RGMA: variants seen among roughly 807,000 people sequenced by gnomAD.
RGMA encodes the protein repulsive guidance molecule BMP co-receptor a.
In RGMA, 10 loss-of-function variants were observed where a neutral mutation model predicts 23.2. That is an observed-to-expected ratio of 0.43 (90% confidence interval 0.27 to 0.73). The LOEUF (loss-of-function observed/expected upper bound fraction) is 0.73. Ranked by LOEUF, RGMA falls within the 30% of genes least tolerant of loss-of-function variation. The probability of loss-of-function intolerance (pLI) is 0.20; values close to 1 mark genes in which losing one functional copy is unlikely to be tolerated. For synonymous variants in RGMA, 308 were observed against 279.3 expected (o/e 1.10, Z -1.03); for missense variants, 547 against 630.5 (o/e 0.87, Z 1.42).
intron 1 of RGMA, among the ~76,000 whole-genome samples, chr15:93,087,147 G>A (rs1476698602): frequency 6.6e-6 from 1 of 152,196 alleles, no homozygotes; most frequent in East Asian, 1.9e-4. Context: ...TTCACTACCA[G>A]CACAGCCCAG....
At chr15:93,086,315 C>T (rs11074139) in intron 1 of RGMA, among the ~76,000 whole-genome samples, 5 of 152,016 alleles carry the variant, frequency 3.3e-5, no homozygotes, top group Admixed American at 6.5e-5. Flanking sequence ...AATTTGCCTG[C>T]GCTGCTTTCA....
At chr15:93,074,954 T>C (rs1895447053) in intron 1 of RGMA, among the ~76,000 whole-genome samples, 1 of 152,134 alleles carries the variant, frequency 6.6e-6, no homozygotes, top group African/African-American at 2.4e-5. Flanking sequence ...TGGACAGTAA[T>C]TAACCACCGT....
intron 2 of RGMA, among the ~76,000 whole-genome samples, chr15:93,053,142 C>A (rs2054956073): frequency 6.6e-6 from 1 of 152,194 alleles, no homozygotes; most frequent in Non-Finnish European, 1.5e-5. Flanking sequence ...TTATGCTGAC[C>A]ATAGCCCCAT....
intron 2 of RGMA, 103 bp from the exon 3 acceptor site, chr15:93,052,610 G>A: frequency 7.8e-7 from 1 of 1,285,028 alleles, no homozygotes; most frequent in Non-Finnish European, 1.0e-6. Context: ...GCCTCATCTA[G>A]GGCAGAGCCA....
At chr15:93,080,189 T>A (rs544511479) in intron 1 of RGMA, among the ~76,000 whole-genome samples, 2 of 152,186 alleles carry the variant, frequency 1.3e-5, no homozygotes, top group Admixed American at 6.5e-5. Context: ...ATTCCAAAAT[T>A]TTAATGGGTT....
intron 2 of RGMA, among the ~76,000 whole-genome samples, chr15:93,067,496 G>A (rs984703185): frequency 2.6e-5 from 4 of 152,188 alleles, no homozygotes; most frequent in Non-Finnish European, 5.9e-5. Flanking sequence ...AGGCCCATGA[G>A]GCACCAAGCC....
intron 3 of RGMA, 112 bp downstream of exon 3, chr15:93,051,881 G>A (rs765538577): frequency 3.1e-5 from 36 of 1,161,034 alleles, no homozygotes; most frequent in Middle Eastern, 5.9e-4. Context: ...TCCCCGCTCC[G>A]CTCCGTCTTC....
intron 2 of RGMA, among the ~76,000 whole-genome samples, chr15:93,061,412 A>G (rs1894958965): frequency 6.6e-6 from 1 of 152,160 alleles, no homozygotes; most frequent in African/African-American, 2.4e-5. Flanking sequence ...GGCCTCCCAA[A>G]GTGCTGGGAT....
chr15:93,051,798 C>T (rs184082816), intron 3 of RGMA, among the ~76,000 whole-genome samples, 195 bp downstream of exon 3: 7 of 152,292 alleles, frequency 4.6e-5, no homozygotes, highest in Admixed American at 2.6e-4. Context: ...CCTGCCAGGC[C>T]GGGCTGGCTC....
At chr15:93,073,906 G>T in intron 1 of RGMA, 1 of 1,442,204 alleles carries the variant, frequency 6.9e-7, no homozygotes, top group East Asian at 2.5e-5. Flanking sequence ...TGGCTATGCC[G>T]GTCCGCGTGG....
chr15:93,061,474 T>C (rs1424464714), intron 2 of RGMA, among the ~76,000 whole-genome samples: 1 of 152,212 alleles, frequency 6.6e-6, no homozygotes, highest in Non-Finnish European at 1.5e-5. Flanking sequence ...GATGCTGTTT[T>C]AAACCTCCCA....
chr15:93,051,944 CAG>C, intron 3 of RGMA, 47 bp downstream of exon 3: 17 of 1,526,464 alleles, frequency 1.1e-5, no homozygotes, highest in Non-Finnish European at 1.5e-5. Flanking sequence ...CCACGCAGGG[CAG>C]AGACAAAGGG....
chr15:93,045,472 G>A lies in RGMA; in HGVS notation c.879C>T (p.Ala293=), dbSNP rs199700087. Residue 293 remains alanine (A), a synonymous_variant, in exon 4 of 4, where the codon GCC becomes GCT. Transcript: ENST00000329082. This position sits in a 1 kb window ranked among gnomAD's most constrained non-coding sequence, Gnocchi z 6.9. ...VRQVGRYLTF[A]VRMPEEVVNA... The stretch of plus-strand genomic sequence containing the variant: ...TGACCACTTCCTCTGGCATGCGGAC[G>A]GCAAAGGTCAGGTAGCGGCCCACCT... The A allele has an allele frequency of 5.9e-5, 95 of 1,613,208 alleles. 1 individual carries two copies. Among genetic ancestry groups the A allele is most frequent in the East Asian group, 5.3e-4 (24 of 44,864 alleles).
chr15:93,081,749 T>A (rs186694297), intron 1 of RGMA, among the ~76,000 whole-genome samples: 73 of 152,356 alleles, frequency 4.8e-4, no homozygotes, highest in Non-Finnish European at 6.2e-4. Flanking sequence ...TAAGAACAGA[T>A]AACCAAGTTG....
At chr15:93,047,802 A>C (rs1381434081) in intron 3 of RGMA, among the ~76,000 whole-genome samples, 1 of 152,172 alleles carries the variant, frequency 6.6e-6, no homozygotes, top group African/African-American at 2.4e-5. Flanking sequence ...GTGCCAAGGG[A>C]GTTTCTGGCC....
intron 1 of RGMA, among the ~76,000 whole-genome samples, chr15:93,086,974 T>A (rs1022281438): frequency 6.6e-6 from 1 of 152,220 alleles, no homozygotes; most frequent in Admixed American, 6.5e-5. Context: ...AGTCTCATGA[T>A]GACATAAATA....
intron 2 of RGMA, among the ~76,000 whole-genome samples, chr15:93,064,042 C>G (rs1395764819): frequency 6.6e-6 from 1 of 152,214 alleles, no homozygotes; most frequent in Non-Finnish European, 1.5e-5. Context: ...GGGCACACCT[C>G]AGCTTTCCAC....
At position 93,035,530 on chromosome 15, in the gene RGMA, G is replaced by C. The variant is rs117982376; in HGVS notation, c.*9468C>G. The stretch of plus-strand genomic sequence containing the variant: ...GGTGATCAGACGTCCCCTGGAGGCC[G>C]TGGGGCATGAAGACCACGATCAGAC... On this transcript the variant is annotated 3_prime_UTR_variant, in exon 4 of 4. Transcript: ENST00000329082. The C allele has an allele frequency of 1.3e-5, 2 of 152,236 alleles. No homozygotes were observed. Among genetic ancestry groups the C allele is most frequent in the Admixed American group, 1.3e-4 (2 of 15,286 alleles). The allele number at this position is 152,236 out of a possible 1,614,324, so 9.4% of individuals were successfully genotyped here.
At chr15:93,047,726 C>T (rs2054847729) in intron 3 of RGMA, among the ~76,000 whole-genome samples, 1 of 152,190 alleles carries the variant, frequency 6.6e-6, no homozygotes, top group South Asian at 2.1e-4. Flanking sequence ...CCGTTCTCTG[C>T]CTGGGCACTT....
Sources: gnomAD v4.1 joint callset for allele counts (sites outside exome capture counted in the v4.1 genomes callset) on GRCh38, gnomAD v4.1.1 for gene constraint, Gnocchi (gnomAD v3.1) non-coding constraint, MANE v1.5 for transcripts, NCBI Gene and HGNC (gene_info 2026-07-23, HGNC 2026-07-21) for gene names.